The following SNX24 variants were observed in gnomAD, a reference collection of about 807,000 sequenced individuals.
The protein encoded by SNX24 is sorting nexin-24.
SNX24 carries 22 observed loss-of-function variants against 28.7 expected under a neutral mutation model. The ratio of observed to expected loss-of-function variants is 0.77; its 90% CI spans 0.55 to 1.10. SNX24 has a LOEUF of 1.10. SNX24 is among the 50% of genes least tolerant of loss of function. The pLI, the probability that SNX24 is intolerant of heterozygous loss-of-function variation, is 0.00. For missense variants in SNX24, 221 were observed against 201.1 expected, an observed-to-expected ratio of 1.10 and a Z score of -0.60; for synonymous variants, 69 against 71.5, an observed-to-expected ratio of 0.96 and a Z score of 0.18.
chr5:122,982,609 C>G (rs1469820858), intron 3 of SNX24, among the ~76,000 whole-genome samples: 1 of 152,152 alleles, frequency 6.6e-6, no homozygotes. Flanking sequence ...AAGTTGTTAA[C>G]ACATAATGCC....
chr5:122,974,543 A>G (rs1412666624), intron 3 of SNX24, among the ~76,000 whole-genome samples: 6 of 152,254 alleles, frequency 3.9e-5, no homozygotes, highest in Non-Finnish European at 5.9e-5. Flanking sequence ...CAATGGCTGC[A>G]TACCAGGTAC....
chr5:123,007,686 T>G lies in SNX24; in HGVS notation c.447T>G (p.Phe149Leu). The G allele has an allele frequency of 1.9e-6, 3 of 1,585,058 alleles. No individual in the cohort carries two copies. The highest frequency in any genetic ancestry group is 2.6e-6 in the Non-Finnish European group (3 of 1,171,858). Residue 149 changes from phenylalanine (F) to leucine (L), a missense_variant, in exon 7 of 7, where the codon TTT becomes TTG. Phe to Leu is a conservative substitution (Grantham distance 22). Coordinates refer to ENST00000261369, the MANE Select transcript of SNX24 (RefSeq NM_014035.4). ...TTTTTTTTTTCTTTTTTTCAGATTT[T>G]CCAAATGTGGTTATTGAAGGAGTCC... is the stretch of plus-strand genomic sequence containing the variant. ...DPYVLPAASD[F>L]PNVVIEGVLH...
chr5:122,916,402 G>T (rs904916622), intron 1 of SNX24, among the ~76,000 whole-genome samples: 1 of 152,206 alleles, frequency 6.6e-6, no homozygotes, highest in African/African-American at 2.4e-5. Context: ...TGGGGGGCCT[G>T]CTTTGTTCTG....
intron 1 of SNX24, among the ~76,000 whole-genome samples, chr5:122,911,119 CTCCAGCACTTGTTGTTTCCTG>C (rs1276751980): frequency 2.0e-5 from 3 of 152,218 alleles, no homozygotes; most frequent in African/African-American, 7.2e-5. Context: ...TCCACATCCT[CTCCAGCACTTGTTGTTTCCTG>C]ACTTTTTAAT....
chr5:123,007,660 T>TC, intron 6 of SNX24, 22 bp from the exon 7 acceptor site: 1 of 1,090,414 alleles, frequency 9.2e-7, no homozygotes, highest in Non-Finnish European at 1.3e-6. Flanking sequence ...TTTTTTTTTC[T>TC]TTTTTTTTTT....
chr5:122,959,319 A>G (rs1204384090), intron 3 of SNX24, among the ~76,000 whole-genome samples: 1 of 142,250 alleles, frequency 7.0e-6, no homozygotes, highest in Non-Finnish European at 1.5e-5. Flanking sequence ...ATTTATCTCT[A>G]CTCTAATCTT....
intron 1 of SNX24, among the ~76,000 whole-genome samples, chr5:122,933,841 T>C (rs6866736): frequency 0.12 from 18,663 of 151,362 alleles, 1,452 homozygotes; most frequent in East Asian, 0.36. Flanking sequence ...TTTTTTTTTT[T>C]CCACGATCTC....
At chr5:122,990,484 G>A (rs1291286546) in intron 3 of SNX24, among the ~76,000 whole-genome samples, 1 of 152,192 alleles carries the variant, frequency 6.6e-6, no homozygotes, top group African/African-American at 2.4e-5. Context: ...CTGGGTCAAA[G>A]TGTACAGTAT....
intron 1 of SNX24, among the ~76,000 whole-genome samples, chr5:122,865,413 C>G (rs6869896): frequency 1.3e-5 from 2 of 152,244 alleles, no homozygotes; most frequent in Non-Finnish European, 2.9e-5. Context: ...TCACTGCAAT[C>G]TCTGCCTCCC....
chr5:123,001,050 C>G (rs966859436), intron 4 of SNX24, among the ~76,000 whole-genome samples: 9 of 152,218 alleles, frequency 5.9e-5, no homozygotes, highest in Non-Finnish European at 1.5e-5. Context: ...GTGTTCTGTT[C>G]CAACTTGTAT....
At chr5:122,946,412 GT>G (rs1759687359) in intron 3 of SNX24, among the ~76,000 whole-genome samples, 3 of 152,120 alleles carry the variant, frequency 2.0e-5, no homozygotes, top group African/African-American at 7.2e-5. Flanking sequence ...GAGAGGATCT[GT>G]TTTTTAATTC....
intron 3 of SNX24, among the ~76,000 whole-genome samples, chr5:122,978,725 A>G (rs886086421): frequency 6.6e-6 from 1 of 152,206 alleles, no homozygotes; most frequent in African/African-American, 2.4e-5. Context: ...AACACAGTGC[A>G]CAAGAAATTC....
At chr5:122,864,761 G>A (rs1409000915) in intron 1 of SNX24, among the ~76,000 whole-genome samples, 3 of 152,194 alleles carry the variant, frequency 2.0e-5, no homozygotes, top group African/African-American at 7.2e-5. Flanking sequence ...CTGATCTTAG[G>A]AGCAGCTTAG....
At chr5:122,899,307 A>G (rs1371193181) in intron 1 of SNX24, among the ~76,000 whole-genome samples, 1 of 152,206 alleles carries the variant, frequency 6.6e-6, no homozygotes, top group African/African-American at 2.4e-5. Context: ...AGCTTGAGTG[A>G]ACATGTCTTC....
chr5:123,000,484 C>A (rs1022380119), intron 4 of SNX24, among the ~76,000 whole-genome samples: 1 of 152,182 alleles, frequency 6.6e-6, no homozygotes, highest in Non-Finnish European at 1.5e-5. Context: ...AGATCTCTTG[C>A]CTTGTAGCTT....
chr5:122,962,801 AG>A lies in SNX24; in HGVS notation c.249+16643del, dbSNP rs1480832743. On this transcript the variant is annotated intron_variant, in intron 3 of 6. Coordinates refer to ENST00000261369, the MANE Select transcript of SNX24 (RefSeq NM_014035.4). The stretch of plus-strand genomic sequence containing the variant: ...TGGGCTTAAAACATAAAACTTTGGG[AG>A]TTTTAAACCTATGAATTATACAATA... Among the ~76,000 whole-genome samples, 8 of 152,358 alleles carry A rather than the reference AG, an allele frequency of 5.3e-5. No individual in the cohort carries two copies. The South Asian group carries it at 1.7e-3, about 32-fold the overall frequency.
At chr5:122,929,808 T>A (rs1254201549) in intron 1 of SNX24, among the ~76,000 whole-genome samples, 1 of 152,052 alleles carries the variant, frequency 6.6e-6, no homozygotes, top group Non-Finnish European at 1.5e-5. Context: ...CAAAGCTACA[T>A]TTTAGGTTTT....
intron 3 of SNX24, among the ~76,000 whole-genome samples, chr5:122,963,784 A>C (rs2150140760): frequency 6.6e-6 from 1 of 152,348 alleles, no homozygotes; most frequent in Admixed American, 6.5e-5. Context: ...TTCTAATGTA[A>C]GTAGTCTCTT....
chr5:122,967,406 C>G (rs1380554268), intron 3 of SNX24, among the ~76,000 whole-genome samples: 1 of 152,144 alleles, frequency 6.6e-6, no homozygotes, highest in Non-Finnish European at 1.5e-5. Context: ...CTTTCAGACC[C>G]TGGTGTTCAA....
Sources: allele counts gnomAD v4.1 joint callset (sites outside exome capture counted in the v4.1 genomes callset), GRCh38; gene constraint gnomAD v4.1.1; transcripts MANE v1.5; gene names NCBI Gene and HGNC (gene_info 2026-07-23, HGNC 2026-07-21).